The following LPCAT2 variants were observed in gnomAD, a reference collection of about 807,000 sequenced individuals.
The protein encoded by LPCAT2 is 1-AGP acyltransferase 11.
LPCAT2 carries 58 observed loss-of-function variants against 64.7 expected under a neutral mutation model. That is an observed-to-expected ratio of 0.90 (90% CI 0.73 to 1.12). LPCAT2 has a LOEUF of 1.12. Ranked by LOEUF, LPCAT2 falls within the 50% of genes most tolerant of loss-of-function variation. The pLI is 0.00. For missense variants in LPCAT2, 579 were observed against 669.8 expected (o/e 0.86, Z 1.50); for synonymous variants, 252 against 245.3 (o/e 1.03, Z -0.26).
At chr16:55,542,841 T>C (rs1335077365) in intron 8 of LPCAT2, among the ~76,000 whole-genome samples, 1 of 152,154 alleles carries the variant, frequency 6.6e-6, no homozygotes, top group Non-Finnish European at 1.5e-5. Context: ...TTTGTTTCCA[T>C]GGCTGAGGTA....
chr16:55,557,762 C>T (rs1963593827), intron 11 of LPCAT2, among the ~76,000 whole-genome samples: 1 of 152,148 alleles, frequency 6.6e-6, no homozygotes, highest in Admixed American at 6.5e-5. Flanking sequence ...CTCAATATCT[C>T]TCCACCATTC....
Position 55,558,905 on chromosome 16 carries a change from A to G in LPCAT2, c.1215+7803A>G, listed in dbSNP as rs115119308. On this transcript the variant is annotated intron_variant, in intron 11 of 13. Transcript: ENST00000262134. The stretch of plus-strand genomic sequence containing the variant: ...CTGGATTGAAGGATTACTACAAGTC[A>G]CTATAAGTCTGACTTATAGTGATTG... 8.9e-3 allele frequency among the ~76,000 whole-genome samples: 1,349 copies of G among 152,272 alleles called. 16 individuals carry two copies. Among genetic ancestry groups the G allele is most frequent in the African/African-American group, 0.03 (1,248 of 41,556 alleles).
chr16:55,511,477 A>T (rs947736477), intron 1 of LPCAT2, among the ~76,000 whole-genome samples: 2 of 152,196 alleles, frequency 1.3e-5, no homozygotes, highest in Non-Finnish European at 2.9e-5. Flanking sequence ...TTAAATGATG[A>T]TCAATGTCTT....
At chr16:55,560,393 G>A (rs1333340151) in intron 11 of LPCAT2, among the ~76,000 whole-genome samples, 1 of 152,058 alleles carries the variant, frequency 6.6e-6, no homozygotes, top group East Asian at 1.9e-4. Flanking sequence ...TCTAGACGAG[G>A]TTCAGTTCCC....
chr16:55,531,875 A>G lies in LPCAT2; in HGVS notation c.643-39A>G, dbSNP rs1223879058. On this transcript the variant is annotated intron_variant, in intron 4 of 13. Coordinates refer to ENST00000262134, the MANE Select transcript of LPCAT2 (RefSeq NM_017839.5). ...AAGCGAGTAAAGAGGTAATTTATTA[A>G]TTAGATTGAAATATTAAATCTATTC... 4 of 1,285,986 alleles carry G rather than the reference A, an allele frequency of 3.1e-6. No individual in the cohort carries two copies. In the Admixed American group the frequency reaches 6.9e-5, roughly 22 times the overall value. 79.7% of individuals were successfully genotyped at this position (1,285,986 alleles called of 1,614,324 possible). A position where few individuals can be genotyped will look rare whatever the true frequency, so the allele number is the denominator to read the frequency against.
chr16:55,531,826 G>A (rs1567394944), intron 4 of LPCAT2, 88 bp from the exon 5 acceptor site: 1 of 808,288 alleles, frequency 1.2e-6, no homozygotes, highest in African/African-American at 1.7e-5. Context: ...TTAAGCATTG[G>A]CAGCTGTTTG....
In LPCAT2 at chr16:55,586,146, T is replaced by C. The variant is rs956563997; in HGVS notation, c.*3048T>C. ...GTGACAAATAAGTGCTATGGCTTGA[T>C]AGAAGTGAAGCTCTTCACATATATT... On this transcript the variant is annotated 3_prime_UTR_variant, in exon 14 of 14. Transcript: ENST00000262134. 1 of 152,108 alleles carries C rather than the reference T, an allele frequency of 6.6e-6. No individual in the cohort carries two copies. Among genetic ancestry groups the C allele is most frequent in the Non-Finnish European group, 1.5e-5 (1 of 68,014 alleles). 9.4% of individuals were successfully genotyped at this position (152,108 alleles called of 1,614,324 possible). A position where few individuals can be genotyped will look rare whatever the true frequency, so the allele number is the denominator to read the frequency against.
At chr16:55,545,881 A>C in intron 9 of LPCAT2, 64 bp downstream of exon 9, 2 of 1,336,064 alleles carry the variant, frequency 1.5e-6, no homozygotes, top group Non-Finnish European at 2.1e-6. Flanking sequence ...ATGTCGTTTA[A>C]CTCATTTTAA....
chr16:55,520,352 C>T lies in LPCAT2; in HGVS notation c.172-5156C>T, dbSNP rs141174778. Among the ~76,000 whole-genome samples, 354 of 151,974 alleles carry T rather than the reference C, an allele frequency of 2.3e-3. 1 individual carries two copies. Among genetic ancestry groups the T allele is most frequent in the African/African-American group, 8.2e-3 (342 of 41,490 alleles). ...CTTAGCAGCACTTAATGTTTATGTA[C>T]GTAATATCAGAACTTTGAAAACATG... On this transcript the variant is annotated intron_variant, in intron 1 of 13. Transcript: ENST00000262134.
chr16:55,532,062 G>C (rs1963261378), intron 5 of LPCAT2, 88 bp downstream of exon 5: 1 of 863,374 alleles, frequency 1.2e-6, no homozygotes, highest in Non-Finnish European at 1.9e-6. Flanking sequence ...TAACTCTTTA[G>C]CTTGCTCTGA....
At chr16:55,567,228 T>C (rs776089705) in intron 11 of LPCAT2, 1 of 1,613,824 alleles carries the variant, frequency 6.2e-7, no homozygotes, top group South Asian at 1.1e-5. Flanking sequence ...GCAGTGTGTT[T>C]ATAAGCAGTA....
At chr16:55,547,264 C>T (rs1196557060) in intron 9 of LPCAT2, among the ~76,000 whole-genome samples, 3 of 152,066 alleles carry the variant, frequency 2.0e-5, no homozygotes, top group Non-Finnish European at 4.4e-5. Context: ...TTCAAAGGTG[C>T]GGAGGTAATA....
intron 1 of LPCAT2, among the ~76,000 whole-genome samples, chr16:55,523,750 G>A (rs1320515738): frequency 3.3e-5 from 5 of 151,806 alleles, no homozygotes; most frequent in Admixed American, 3.3e-4. Context: ...GCCTATCAGT[G>A]GTTGCTTAGG....
At chr16:55,559,025 A>G (rs569209787) in intron 11 of LPCAT2, among the ~76,000 whole-genome samples, 6 of 152,274 alleles carry the variant, frequency 3.9e-5, no homozygotes, top group African/African-American at 1.2e-4. Flanking sequence ...CTATCCTCCC[A>G]TAGTTGTAAG....
intron 11 of LPCAT2, among the ~76,000 whole-genome samples, chr16:55,565,262 A>T (rs536236178): frequency 6.6e-6 from 1 of 152,072 alleles, no homozygotes; most frequent in Non-Finnish European, 1.5e-5. Context: ...GCTGGTGGGG[A>T]TGTAAGTGGT....
At chr16:55,570,540 C>T (rs1316138795) in intron 11 of LPCAT2, among the ~76,000 whole-genome samples, 1 of 152,006 alleles carries the variant, frequency 6.6e-6, no homozygotes, top group Admixed American at 6.6e-5. Context: ...GAGGCTGAGG[C>T]GGAGGATCGC....
intron 11 of LPCAT2, among the ~76,000 whole-genome samples, chr16:55,568,496 A>G (rs1963733346): frequency 6.6e-6 from 1 of 152,216 alleles, no homozygotes; most frequent in South Asian, 2.1e-4. Flanking sequence ...ATTGCTGACT[A>G]TTGCAATTAT....
Position 55,585,453 on chromosome 16 carries a change from C to G in LPCAT2, c.*2355C>G, listed in dbSNP as rs1963934150. Reference sequence around the variant, plus strand: ...ACCAGGACTCTGCTTATATGCCTTGCTAACAAAGATTTCTTTCACAGAGGC... The same window carrying G: ...ACCAGGACTCTGCTTATATGCCTTGGTAACAAAGATTTCTTTCACAGAGGC... On this transcript the variant is annotated 3_prime_UTR_variant, in exon 14 of 14. Coordinates refer to ENST00000262134, the MANE Select transcript of LPCAT2 (RefSeq NM_017839.5). 6.6e-6 allele frequency: 1 copy of G among 152,142 alleles called. No individual in the cohort carries two copies. Among genetic ancestry groups the G allele is most frequent in the South Asian group, 2.1e-4 (1 of 4,828 alleles). 9.4% of individuals were successfully genotyped at this position (152,142 alleles called of 1,614,324 possible).
At chr16:55,562,692 A>G (rs369420932) in intron 11 of LPCAT2, among the ~76,000 whole-genome samples, 2 of 151,904 alleles carry the variant, frequency 1.3e-5, no homozygotes, top group East Asian at 3.9e-4. Context: ...ACTGAGCCCA[A>G]GTCCTGATAC....
Sources: allele counts gnomAD v4.1 joint callset (sites outside exome capture counted in the v4.1 genomes callset), GRCh38; gene constraint gnomAD v4.1.1; transcripts MANE v1.5; gene names NCBI Gene and HGNC (gene_info 2026-07-23, HGNC 2026-07-21).